SREK1IP1: variants seen among roughly 807,000 people sequenced by gnomAD.
SREK1IP1 encodes SREK1 interacting protein 1.
Under a neutral mutation model 22.8 loss-of-function variants are expected in SREK1IP1, and 12 were observed. The ratio of observed to expected loss-of-function variants is 0.53; its 90% confidence interval spans 0.34 to 0.85. SREK1IP1 has a LOEUF of 0.85. SREK1IP1 is among the 40% of genes least tolerant of loss of function. The pLI, the probability that SREK1IP1 is intolerant of heterozygous loss-of-function variation, is 0.02. For missense variants in SREK1IP1, 147 were observed against 171.8 expected (o/e 0.86, Z 0.81); for synonymous variants, 53 against 52.7 (o/e 1.01, Z -0.02).
chr5:64,732,103 T>G (rs1742390830), intron 3 of SREK1IP1, among the ~76,000 whole-genome samples: 1 of 152,192 alleles, frequency 6.6e-6, no homozygotes, highest in South Asian at 2.1e-4. Flanking sequence ...TTTTGTCAGT[T>G]ATGCCAACAG....
At chr5:64,731,251 G>C (rs1450829138) in intron 3 of SREK1IP1, among the ~76,000 whole-genome samples, 1 of 152,038 alleles carries the variant, frequency 6.6e-6, no homozygotes, top group Non-Finnish European at 1.5e-5. Flanking sequence ...GAGAGGACTT[G>C]AGATGAAAAA....
rs533501531 is a variant in SREK1IP1 at position 64,727,838 on chromosome 5, G to A, written c.278+269C>T. On this transcript the variant is annotated intron_variant, in intron 4 of 4. Transcript: ENST00000513458. ...GCTGGGATTATAGGCATGAGCCATC[G>A]CACCTGGACAGCATGACAAGTTCTA... 9 of 207,124 alleles carry A rather than the reference G, an allele frequency of 4.3e-5. No homozygotes were observed. In the South Asian group the frequency reaches 5.1e-4, roughly 12 times the overall value. 12.8% of individuals were successfully genotyped at this position (207,124 alleles called of 1,614,324 possible).
chr5:64,758,154 G>A (rs1358500294), intron 1 of SREK1IP1, among the ~76,000 whole-genome samples: 1 of 151,584 alleles, frequency 6.6e-6, no homozygotes, highest in Non-Finnish European at 1.5e-5. Context: ...GGGATTACAG[G>A]TGTGAGCCAC....
At chr5:64,748,787 G>A (rs1306990957) in intron 2 of SREK1IP1, among the ~76,000 whole-genome samples, 1 of 152,136 alleles carries the variant, frequency 6.6e-6, no homozygotes, top group Non-Finnish European at 1.5e-5. Context: ...CAAGCAATTT[G>A]CCTAATGTCA....
chr5:64,757,557 T>A (rs909757975), intron 1 of SREK1IP1, among the ~76,000 whole-genome samples: 1 of 152,228 alleles, frequency 6.6e-6, no homozygotes, highest in African/African-American at 2.4e-5. Context: ...ATCCAGCTGA[T>A]CTGAACCACA....
intron 3 of SREK1IP1, among the ~76,000 whole-genome samples, chr5:64,738,722 A>C (rs999328532): frequency 2.0e-5 from 3 of 152,180 alleles, no homozygotes; most frequent in African/African-American, 7.2e-5. Flanking sequence ...AAGAACACAC[A>C]ATGGGAAAAG....
Position 64,722,840 on chromosome 5 carries a change from A to T in SREK1IP1, c.*1544T>A, listed in dbSNP as rs114699890. The T allele has an allele frequency of 2.3e-3, 347 of 152,344 alleles. 3 individuals are homozygous for T. Among genetic ancestry groups the T allele is most frequent in the African/African-American group, 7.9e-3 (330 of 41,582 alleles). 9.4% of individuals were successfully genotyped at this position (152,344 alleles called of 1,614,324 possible). A position where few individuals can be genotyped will look rare whatever the true frequency, so the allele number is the denominator to read the frequency against. ...TAAGCATGGGTAAGCATATGTTAAG[A>T]GGAGTTATAAGGCTCCCTGAGTCTT... On this transcript the variant is annotated 3_prime_UTR_variant, in exon 5 of 5. Transcript: ENST00000513458.
At position 64,724,380 on chromosome 5, in the gene SREK1IP1, T is replaced by A. The variant is rs1410511105; in HGVS notation, c.*4A>T. 6.5e-7 allele frequency: 1 copy of A among 1,526,868 alleles called. No individual in the cohort carries two copies. The highest frequency in any genetic ancestry group is 8.7e-7 in the Non-Finnish European group (1 of 1,144,002). 94.6% of individuals were successfully genotyped at this position (1,526,868 alleles called of 1,614,324 possible). A position where few individuals can be genotyped will look rare whatever the true frequency, so the allele number is the denominator to read the frequency against. ...AAATTTAACGGCTTAAGCCAAAGTCTCAGTTACTTTCTGGAGAATTCAGAA... is the reference window on the plus strand; with the variant it reads ...AAATTTAACGGCTTAAGCCAAAGTCACAGTTACTTTCTGGAGAATTCAGAA... On this transcript the variant is annotated 3_prime_UTR_variant, in exon 5 of 5. Coordinates refer to ENST00000513458, the MANE Select transcript of SREK1IP1 (RefSeq NM_173829.4).
intron 2 of SREK1IP1, among the ~76,000 whole-genome samples, chr5:64,748,145 T>C (rs1279754621): frequency 3.9e-5 from 6 of 152,098 alleles, no homozygotes; most frequent in Admixed American, 2.0e-4. Context: ...TATATACATA[T>C]AGAGAAATAA....
intron 3 of SREK1IP1, among the ~76,000 whole-genome samples, chr5:64,738,417 C>G (rs547891855): frequency 1.3e-5 from 2 of 152,230 alleles, no homozygotes; most frequent in South Asian, 4.1e-4. Context: ...TTATCTAAAG[C>G]AATCTATGAA....
At chr5:64,754,274 G>A in intron 2 of SREK1IP1, 41 bp downstream of exon 2, 4 of 1,594,028 alleles carry the variant, frequency 2.5e-6, no homozygotes, top group Non-Finnish European at 3.4e-6. Flanking sequence ...CATGATTCCA[G>A]TATGAATAAT....
At chr5:64,747,661 G>A (rs1382135811) in intron 2 of SREK1IP1, among the ~76,000 whole-genome samples, 2 of 151,844 alleles carry the variant, frequency 1.3e-5, no homozygotes, top group African/African-American at 4.8e-5. Flanking sequence ...GGGCGCGGTG[G>A]CTCACGCCTG....
chr5:64,734,212 A>C (rs1024356190), intron 3 of SREK1IP1, among the ~76,000 whole-genome samples: 4 of 152,114 alleles, frequency 2.6e-5, no homozygotes, highest in African/African-American at 9.6e-5. Flanking sequence ...ATCAATTGTC[A>C]CATATGTATG....
In SREK1IP1 at chr5:64,730,434, G is replaced by A. The variant is rs1010334737; in HGVS notation, c.206-2255C>T. 4.6e-5 allele frequency among the ~76,000 whole-genome samples: 7 copies of A among 151,620 alleles called. No homozygotes were observed. The South Asian group carries it at 6.2e-4, about 14-fold the overall frequency. ...TCTAGGGAAGAACAATGGGAAAAAC[G>A]AAAAAAAATTGATGCTGATTGAAAT... On this transcript the variant is annotated intron_variant, in intron 3 of 4. Coordinates refer to ENST00000513458, the MANE Select transcript of SREK1IP1 (RefSeq NM_173829.4).
At chr5:64,744,131 G>A (rs1404752557) in intron 2 of SREK1IP1, among the ~76,000 whole-genome samples, 1 of 152,028 alleles carries the variant, frequency 6.6e-6, no homozygotes. Context: ...CCAGAAAAGG[G>A]AAGAAAAAGC....
intron 3 of SREK1IP1, among the ~76,000 whole-genome samples, chr5:64,728,768 C>G (rs1742321841): frequency 6.6e-6 from 1 of 152,004 alleles, no homozygotes; most frequent in African/African-American, 2.4e-5. Context: ...AAATATATAT[C>G]ATTATTAAAC....
chr5:64,720,202 C>A lies in SREK1IP1; in HGVS notation c.*4182G>T, dbSNP rs764009281. 7 of 152,076 alleles carry A rather than the reference C, an allele frequency of 4.6e-5. No homozygotes were observed. The highest frequency in any genetic ancestry group is 1.0e-4 in the Non-Finnish European group (7 of 67,992). The allele number at this position is 152,076 out of a possible 1,614,324, so 9.4% of individuals were successfully genotyped here. On this transcript the variant is annotated 3_prime_UTR_variant, in exon 5 of 5. Coordinates refer to ENST00000513458, the MANE Select transcript of SREK1IP1 (RefSeq NM_173829.4). ...AGAATTTAAGTCAGTCAAAAATAAC[C>A]TAAAATACAATTAAGAACAAAACAC...
chr5:64,762,482 A>G (rs1742966640), intron 1 of SREK1IP1, among the ~76,000 whole-genome samples: 1 of 152,152 alleles, frequency 6.6e-6, no homozygotes, highest in African/African-American at 2.4e-5. Context: ...GGTAATATCT[A>G]TTTATATAAT....
chr5:64,722,499 A>C lies in SREK1IP1; in HGVS notation c.*1885T>G, dbSNP rs1002901667. Reference sequence around the variant, plus strand: ...ACTGTTATTTTTTCAAGGCTAGTCAAGTCAAGCAGTGGGAGTAAAGAAACA... The same window carrying C: ...ACTGTTATTTTTTCAAGGCTAGTCACGTCAAGCAGTGGGAGTAAAGAAACA... On this transcript the variant is annotated 3_prime_UTR_variant, in exon 5 of 5. Coordinates refer to ENST00000513458, the MANE Select transcript of SREK1IP1 (RefSeq NM_173829.4). 3 of 152,212 alleles carry C rather than the reference A, an allele frequency of 2.0e-5. No homozygotes were observed. The highest frequency in any genetic ancestry group is 7.2e-5 in the African/African-American group (3 of 41,458). The allele number at this position is 152,212 out of a possible 1,614,324, so 9.4% of individuals were successfully genotyped here. A position where few individuals can be genotyped will look rare whatever the true frequency, so the allele number is the denominator to read the frequency against.
Sources: allele counts gnomAD v4.1 joint callset (sites outside exome capture counted in the v4.1 genomes callset), GRCh38; gene constraint gnomAD v4.1.1; transcripts MANE v1.5; gene names NCBI Gene and HGNC (gene_info 2026-07-23, HGNC 2026-07-21).